The following VILL variants were observed in gnomAD, a reference collection of about 807,000 sequenced individuals.
VILL encodes villin-like protein.
Under a neutral mutation model 106.3 loss-of-function variants are expected in VILL, and 102 were observed. The ratio of observed to expected loss-of-function variants is 0.96; its 90% CI spans 0.82 to 1.13. The LOEUF is 1.13. Ranked by LOEUF, VILL falls within the 50% of genes most tolerant of loss-of-function variation. The pLI is 0.00. For synonymous variants in VILL, 431 were observed against 440.3 expected, an observed-to-expected ratio of 0.98 and a Z score of 0.27; for missense variants, 1,076 against 1,116.6, an observed-to-expected ratio of 0.96 and a Z score of 0.52.
chr3:37,991,514 A>C (rs1699610180), intron 1 of VILL, among the ~76,000 whole-genome samples: 1 of 151,182 alleles, frequency 6.6e-6, no homozygotes, highest in Non-Finnish European at 1.5e-5. Flanking sequence ...AGAGGGGAGA[A>C]AGAAGAACCA....
chr3:37,994,080 G>A (rs921495180), intron 3 of VILL, 108 bp downstream of exon 3: 1 of 1,486,920 alleles, frequency 6.7e-7, no homozygotes, highest in Non-Finnish European at 9.4e-7. Flanking sequence ...TTGAGAGCCG[G>A]AGAATCACAT....
intron 11 of VILL, 145 bp from the exon 12 acceptor site, chr3:38,001,311 T>C: frequency 8.1e-7 from 1 of 1,229,046 alleles, no homozygotes; most frequent in Non-Finnish European, 1.1e-6. Flanking sequence ...AGGCCCAGAA[T>C]GGGCCTGGAG....
intron 11 of VILL, chr3:38,001,239 G>A: frequency 3.0e-6 from 2 of 668,800 alleles, no homozygotes; most frequent in South Asian, 3.8e-5. Flanking sequence ...CCCAAGTGTG[G>A]TGGGTTTCAG....
chr3:37,994,282 A>C lies in VILL; in HGVS notation c.157A>C (p.Thr53Pro). 6.2e-7 allele frequency: 1 copy of C among 1,610,442 alleles called. No individual in the cohort carries two copies. The highest frequency in any genetic ancestry group is 8.5e-7 in the Non-Finnish European group (1 of 1,179,676). Residue 53 changes from threonine (T) to proline (P), a missense_variant, in exon 4 of 20, where the codon ACG becomes CCG. Physicochemically the swap from Thr to Pro is conservative, Grantham distance 38. Transcript: ENST00000383759. ...ILHVPQSPKA[T>P]QGASSDLHYW... ...CTAGGTCCCCCAGAGCCCGAAGGCC[A>C]CGCAGGGGGCGTCCAGCGACCTGCA...
chr3:37,992,393 A>G (rs1371138922), intron 1 of VILL, among the ~76,000 whole-genome samples: 1 of 152,084 alleles, frequency 6.6e-6, no homozygotes, highest in Non-Finnish European at 1.5e-5. Flanking sequence ...TCATTGTCAC[A>G]CCAACAGGCC....
intron 1 of VILL, chr3:37,991,173 G>A (rs891822220): frequency 6.6e-6 from 1 of 152,372 alleles, no homozygotes; most frequent in Non-Finnish European, 1.5e-5. Context: ...ACTGAGCAAG[G>A]TAATCTCGGG....
chr3:38,005,267 A>G (rs1010260073), intron 16 of VILL, among the ~76,000 whole-genome samples: 1 of 151,290 alleles, frequency 6.6e-6, no homozygotes, highest in Non-Finnish European at 1.5e-5. Context: ...CTTTGACCCA[A>G]TTTCCCCCTG....
In VILL at chr3:37,997,452, G is replaced by A. The variant is rs750181818; in HGVS notation, c.562-31G>A. On this transcript the variant is annotated intron_variant, in intron 6 of 19. Coordinates refer to ENST00000383759, the MANE Select transcript of VILL (RefSeq NM_015873.4). This position sits in a 1 kb window ranked among gnomAD's most constrained non-coding sequence, Gnocchi z 4.7. ...CTCTGCTGTGAGAGGGCACACTGGT[G>A]ACACCCTGACTCCCAGGTCCTCTCC... is the stretch of plus-strand genomic sequence containing the variant. 6.2e-7 allele frequency: 1 copy of A among 1,608,690 alleles called. No individual in the cohort carries two copies.
In VILL at chr3:37,998,962, G is replaced by A; in HGVS notation, c.993G>A (p.Val331=). 6.2e-7 allele frequency: 1 copy of A among 1,610,722 alleles called. No individual in the cohort carries two copies. The change falls in exon 10 of 20, where the codon GTG becomes GTA. Residue 331 remains valine (V), a synonymous_variant. Coordinates refer to ENST00000383759, the MANE Select transcript of VILL (RefSeq NM_015873.4). The surrounding 1 kb of genome is among the most constrained non-coding windows in gnomAD (Gnocchi z 4.1). ...CGACCTACACCAACGTGGAGGTGGT[G>A]AACGACGGCGCCGAGTCGGCCGCGT... ...GYPTYTNVEV[V]NDGAESAAFK...
intron 11 of VILL, among the ~76,000 whole-genome samples, chr3:38,000,344 G>A (rs931557446): frequency 1.3e-5 from 2 of 151,988 alleles, no homozygotes; most frequent in Non-Finnish European, 2.9e-5. Flanking sequence ...GAGGAAGACA[G>A]GGAAGGAGCA....
intron 15 of VILL, 184 bp downstream of exon 15, chr3:38,003,497 T>G: frequency 2.7e-6 from 2 of 745,342 alleles, no homozygotes; most frequent in Non-Finnish European, 2.0e-6. Context: ...CCTGGGTAAC[T>G]TGCGTCTCTC....
In VILL at chr3:37,997,311, G is replaced by GAGTT. The variant is rs1699720937; in HGVS notation, c.561+126_561+129dup. The stretch of plus-strand genomic sequence containing the variant: ...CTGCTACAACCCAAGAAACGCCTAT[G>GAGTT]AGTTACAAGCTGAGTTCAGACCCTG... On this transcript the variant is annotated intron_variant, in intron 6 of 19. Coordinates refer to ENST00000383759, the MANE Select transcript of VILL (RefSeq NM_015873.4). The surrounding 1 kb of genome is among the most constrained non-coding windows in gnomAD (Gnocchi z 4.7). 1.3e-5 allele frequency: 16 copies of GAGTT among 1,204,790 alleles called. No homozygotes were observed. The South Asian group carries it at 2.2e-4, about 16-fold the overall frequency. 74.6% of individuals were successfully genotyped at this position (1,204,790 alleles called of 1,614,324 possible). A position where few individuals can be genotyped will look rare whatever the true frequency, so the allele number is the denominator to read the frequency against.
At position 37,998,447 on chromosome 3, in the gene VILL, G is replaced by T; in HGVS notation, c.942+83G>T. On this transcript the variant is annotated intron_variant, in intron 9 of 19. Transcript: ENST00000383759. This position sits in a 1 kb window ranked among gnomAD's most constrained non-coding sequence, Gnocchi z 4.1. The stretch of plus-strand genomic sequence containing the variant: ...GAGGCAGCTCCGCCCCAGGGTCTAA[G>T]GGAGGAATCAGCCCTCCCCTAGAGT... 2 of 1,288,090 alleles carry T rather than the reference G, an allele frequency of 1.6e-6. No individual in the cohort carries two copies. Among genetic ancestry groups the T allele is most frequent in the Admixed American group, 1.9e-5 (1 of 53,026 alleles). The allele number at this position is 1,288,090 out of a possible 1,614,324, so 79.8% of individuals were successfully genotyped here.
upstream of VILL, among the ~76,000 whole-genome samples, chr3:37,989,057 C>G (rs940684741): frequency 6.6e-6 from 1 of 152,172 alleles, no homozygotes; most frequent in Non-Finnish European, 1.5e-5. Context: ...CAGAGGGAGG[C>G]TGGCTCCGGA....
chr3:37,997,540 A>AAC lies in VILL; in HGVS notation c.619_620insAC (p.Ile207AsnfsTer68). 6.2e-7 allele frequency: 1 copy of AAC among 1,613,938 alleles called. No homozygotes were observed. The highest frequency in any genetic ancestry group is 1.1e-5 in the South Asian group (1 of 91,080). On this transcript the variant is annotated frameshift_variant, in exon 7 of 20. Transcript: ENST00000383759. LOFTEE classifies it high-confidence loss of function. This position sits in a 1 kb window ranked among gnomAD's most constrained non-coding sequence, Gnocchi z 4.7. ...GGAACGTGGTGGTGGTCGTGCACAG[A>AAC]TTGGTGTGGTGGATGATGAGGCCAA...
chr3:37,998,252 A>G lies in VILL; in HGVS notation c.844-14A>G. On this transcript the variant is annotated splice_polypyrimidine_tract_variant and intron_variant, in intron 8 of 19. Coordinates refer to ENST00000383759, the MANE Select transcript of VILL (RefSeq NM_015873.4). This position sits in a 1 kb window ranked among gnomAD's most constrained non-coding sequence, Gnocchi z 4.1. ...TCTGGACCACCTACTGACCAGCCCCACCCTTGCTCCCAGGACTTCTACATC... is the reference window on the plus strand; with the variant it reads ...TCTGGACCACCTACTGACCAGCCCCGCCCTTGCTCCCAGGACTTCTACATC... 6.2e-7 allele frequency: 1 copy of G among 1,614,050 alleles called. No homozygotes were observed. The highest frequency in any genetic ancestry group is 8.5e-7 in the Non-Finnish European group (1 of 1,179,944).
rs898382303 is a variant in VILL at position 38,003,304 on chromosome 3, G to C, written c.1796G>C (p.Ser599Thr). The C allele has an allele frequency of 6.2e-7, 1 of 1,609,234 alleles. No individual in the cohort carries two copies. The highest frequency in any genetic ancestry group is 1.3e-5 in the African/African-American group (1 of 74,884). Residue 599 changes from serine to threonine, a missense_variant, in exon 15 of 20, where the codon AGC becomes ACC. Physicochemically the swap from Ser to Thr is moderately conservative, Grantham distance 58 (BLOSUM62 1). Transcript: ENST00000383759. Reference protein sequence around the residue: ...EALGGRAPYPSNKRLPEEVPS... With the variant: ...EALGGRAPYPTNKRLPEEVPS... ...CTGGGAGGCCGGGCCCCCTACCCCA[G>C]CAACAAGAGGTAACAGGGTTGGGAG...
In VILL at chr3:38,001,859, A is replaced by T. The variant is rs758413796; in HGVS notation, c.1478A>T (p.Gln493Leu). 1.9e-6 allele frequency: 3 copies of T among 1,614,200 alleles called. No homozygotes were observed. The highest frequency in any genetic ancestry group is 3.3e-5 in the Admixed American group (2 of 60,024). ...TTCCAGGGCCAGCTGGTGATCTTCC[A>T]GGTAGGTCTCACCTTGCCACTCTGG... ...AIFQGQLVIF[Q>L]ERAGHHGKGQ... The change falls in exon 13 of 20, where the codon CAG becomes CTG. Residue 493 changes from glutamine to leucine, a missense_variant and splice_region_variant. By Grantham distance (113) the Gln-to-Leu change is moderately radical. Transcript: ENST00000383759.
Position 37,998,931 on chromosome 3 carries a change from G to C in VILL, c.962G>C (p.Gly321Ala), listed in dbSNP as rs1160904828. The stretch of plus-strand genomic sequence containing the variant: ...CCCCAGGGCTTCATCCAGGCCAAGG[G>C]CTACCCGACCTACACCAACGTGGAG... ...SRAVGFIQAK[G>A]YPTYTNVEVV... Residue 321 changes from glycine to alanine, a missense_variant, in exon 10 of 20, where the codon GGC (glycine) becomes GCC (alanine). Transcript: ENST00000383759. The surrounding 1 kb of genome is among the most constrained non-coding windows in gnomAD (Gnocchi z 4.1). 6.2e-7 allele frequency: 1 copy of C among 1,604,876 alleles called. No homozygotes were observed. The highest frequency in any genetic ancestry group is 1.7e-5 in the Admixed American group (1 of 59,552).
Sources: gnomAD v4.1 joint callset for allele counts (sites outside exome capture counted in the v4.1 genomes callset) on GRCh38, gnomAD v4.1.1 for gene constraint, Gnocchi (gnomAD v3.1) non-coding constraint, MANE v1.5 for transcripts, NCBI Gene and HGNC (gene_info 2026-07-23, HGNC 2026-07-21) for gene names.